The following MORF4L2 variants were observed in gnomAD, a reference collection of about 807,000 sequenced individuals.
The protein encoded by MORF4L2 is mortality factor 4 like 2.
In MORF4L2, 1 loss-of-function variant was observed where a neutral mutation model predicts 12.0. The ratio of observed to expected loss-of-function variants is 0.08; its 90% CI spans 0.03 to 0.40. MORF4L2 has a LOEUF of 0.40. Ranked by LOEUF, MORF4L2 falls within the 10% of genes least tolerant of loss-of-function variation. The pLI is 0.98. For synonymous variants in MORF4L2, 69 were observed against 81.6 expected (o/e 0.85, Z 0.83); for missense variants, 123 against 214.0 (o/e 0.57, Z 2.65).
intron 2 of MORF4L2, among the ~76,000 whole-genome samples, chrX:103,682,740 CTTTT>C (rs2074013597): frequency 8.9e-6 from 1 of 111,900 alleles, no homozygotes; most frequent in South Asian, 3.7e-4. Flanking sequence ...CCATCACTTT[CTTTT>C]GTCTAACGGT....
chrX:103,676,518 T>G lies in MORF4L2; in HGVS notation c.510A>C (p.Gly170=). 8.3e-7 allele frequency: 1 copy of G among 1,210,961 alleles called. No homozygotes were observed. The highest frequency in any genetic ancestry group is 1.1e-6 in the Non-Finnish European group (1 of 895,343). Residue 170 remains glycine (G), a synonymous_variant, in exon 4 of 4, where the codon GGA becomes GGC. Coordinates refer to ENST00000441076, the MANE Select transcript of MORF4L2 (RefSeq NM_012286.3). The part of the protein sequence containing the change: ...EEYANCKKSQ[G]NVDNKEYAVN... ...CCGCATATTCCTTATTATCAACATT[T>G]CCCTGCGATTTCTTGCAATTTGCAT...
upstream of MORF4L2, chrX:103,687,913 G>T (rs2074152941): frequency 2.7e-5 from 3 of 110,905 alleles, no homozygotes; most frequent in Non-Finnish European, 5.7e-5. Flanking sequence ...CAATTTTCCT[G>T]TGAGAATATC....
At position 103,682,777 on chromosome X, in the gene MORF4L2, T is replaced by C. The variant is rs191382039; in HGVS notation, c.-178+2394A>G. Among the ~76,000 whole-genome samples, 39 of 112,544 alleles carry C rather than the reference T, an allele frequency of 3.5e-4. 1 individual carries two copies. The highest frequency in any genetic ancestry group is 1.2e-3 in the African/African-American group (38 of 31,007). On this transcript the variant is annotated intron_variant, in intron 2 of 3. Transcript: ENST00000441076. ...GGTGTCTTACTATGACTGTTGTATG[T>C]ATATGTGCATACATCTCTCAATATC...
intron 2 of MORF4L2, among the ~76,000 whole-genome samples, chrX:103,683,317 A>G (rs1216169058): frequency 8.9e-6 from 1 of 112,111 alleles, no homozygotes; most frequent in African/African-American, 3.2e-5. Context: ...GCGGCCTCCC[A>G]AAGTGCTGGG....
At chrX:103,677,081 G>A in intron 3 of MORF4L2, 30 bp from the exon 4 acceptor site, 5 of 1,014,902 alleles carry the variant, frequency 4.9e-6, no homozygotes. Context: ...TTACTTGGTT[G>A]TTTTCTATGG....
chrX:103,685,513 G>A (rs995291767), intron 1 of MORF4L2: 1 of 111,403 alleles, frequency 9.0e-6, no homozygotes, highest in Non-Finnish European at 1.9e-5. Context: ...AAATAAAAAA[G>A]AAATAGTATT....
chrX:103,676,053 CCT>C lies in MORF4L2; in HGVS notation c.*106_*107del. On this transcript the variant is annotated 3_prime_UTR_variant, in exon 4 of 4. Coordinates refer to ENST00000441076, the MANE Select transcript of MORF4L2 (RefSeq NM_012286.3). ...ACGGAAAACAAACTGAAACATAAGC[CCT>C]GTTATACATTAACGATTTTAAAGAA... is the stretch of plus-strand genomic sequence containing the variant. The C allele has an allele frequency of 8.8e-6, 7 of 792,858 alleles. No homozygotes were observed. The highest frequency in any genetic ancestry group is 1.3e-5 in the Non-Finnish European group (7 of 557,919). The allele number at this position is 792,858 out of a possible 1,213,427, so 65.3% of individuals were successfully genotyped here.
chrX:103,675,878 G>A lies in MORF4L2; in HGVS notation c.*283C>T, dbSNP rs1442084642. 5.7e-5 allele frequency: 14 copies of A among 244,333 alleles called. No homozygotes were observed. Among genetic ancestry groups the A allele is most frequent in the Non-Finnish European group, 7.9e-5 (11 of 139,344 alleles). The allele number at this position is 244,333 out of a possible 1,213,427, so 20.1% of individuals were successfully genotyped here. A position where few individuals can be genotyped will look rare whatever the true frequency, so the allele number is the denominator to read the frequency against. On this transcript the variant is annotated 3_prime_UTR_variant, in exon 4 of 4. Coordinates refer to ENST00000441076, the MANE Select transcript of MORF4L2 (RefSeq NM_012286.3). ...AAAATTGTGTAGTGTCAAAGGGATAGGAACCACCAGCATTCAAGCAATGTT... is the reference window on the plus strand; with the variant it reads ...AAAATTGTGTAGTGTCAAAGGGATAAGAACCACCAGCATTCAAGCAATGTT...
intron 2 of MORF4L2, among the ~76,000 whole-genome samples, chrX:103,679,435 C>T (rs1224621428): frequency 1.9e-5 from 2 of 107,781 alleles, no homozygotes; most frequent in East Asian, 5.8e-4. Context: ...AGGAGAATCG[C>T]TTGAACCCGA....
upstream of MORF4L2, chrX:103,688,039 C>T (rs776171786): frequency 1.8e-5 from 2 of 111,454 alleles, no homozygotes; most frequent in South Asian, 3.8e-4. Flanking sequence ...CAGGCAAATA[C>T]GCACTGTTAA....
intron 3 of MORF4L2, 39 bp from the exon 4 acceptor site, chrX:103,677,090 G>A: frequency 1.0e-6 from 1 of 988,886 alleles, no homozygotes; most frequent in Admixed American, 3.5e-5. Flanking sequence ...TGTTTTCTAT[G>A]GCAACCTTTA....
At chrX:103,682,278 A>G in intron 2 of MORF4L2, among the ~76,000 whole-genome samples, 1 of 111,892 alleles carries the variant, frequency 8.9e-6, no homozygotes, top group Middle Eastern at 4.6e-3. Context: ...GTTGTTCCCA[A>G]TATTTCATTA....
At chrX:103,680,846 CAG>C (rs1396175378) in intron 2 of MORF4L2, among the ~76,000 whole-genome samples, 1 of 112,229 alleles carries the variant, frequency 8.9e-6, no homozygotes, top group Non-Finnish European at 1.9e-5. Flanking sequence ...TGTTGGCACT[CAG>C]AAAGTTTCAG....
intron 2 of MORF4L2, among the ~76,000 whole-genome samples, chrX:103,679,429 G>GT (rs2073928496): frequency 9.3e-6 from 1 of 107,885 alleles, no homozygotes; most frequent in Non-Finnish European, 1.9e-5. Flanking sequence ...TGAGGCAGGA[G>GT]AATCGCTTGA....
chrX:103,676,829 G>A lies in MORF4L2; in HGVS notation c.199C>T (p.Pro67Ser), dbSNP rs1435811684. The part of the protein sequence containing the change: ...GRWGGRSAEN[P>S]PSGSVRKTRK... Reference sequence around the variant, plus strand: ...GTCTTCCTCACGGATCCTGAAGGGGGGTTCTCTGCAGAGCGACCACCCCAT... The same window carrying A: ...GTCTTCCTCACGGATCCTGAAGGGGAGTTCTCTGCAGAGCGACCACCCCAT... The change falls in exon 4 of 4, where the codon CCC (proline) becomes TCC (serine). Residue 67 changes from proline (P) to serine (S), a missense_variant. Transcript: ENST00000441076. 2 of 1,207,286 alleles carry A rather than the reference G, an allele frequency of 1.7e-6. No individual in the cohort carries two copies. The highest frequency in any genetic ancestry group is 2.2e-5 in the Admixed American group (1 of 45,366).
At chrX:103,681,893 A>G (rs369507483) in intron 2 of MORF4L2, among the ~76,000 whole-genome samples, 64 of 111,243 alleles carry the variant, frequency 5.8e-4, no homozygotes, top group African/African-American at 2.0e-3. Flanking sequence ...GGTACCATTT[A>G]TATTTCCTTT....
chrX:103,678,817 T>C lies in MORF4L2; in HGVS notation c.-177-166A>G, dbSNP rs369679235. Reference sequence around the variant, plus strand: ...TACTTCAATTAGGCTCCGTCATTTATGAGTTGTGAGACCTCAGGCAAGACA... The same window carrying C: ...TACTTCAATTAGGCTCCGTCATTTACGAGTTGTGAGACCTCAGGCAAGACA... On this transcript the variant is annotated intron_variant, in intron 2 of 3. Coordinates refer to ENST00000441076, the MANE Select transcript of MORF4L2 (RefSeq NM_012286.3). Among the ~76,000 whole-genome samples, 13 of 112,621 alleles carry C rather than the reference T, an allele frequency of 1.2e-4. No individual in the cohort carries two copies. In the East Asian group the frequency reaches 3.3e-3, roughly 29 times the overall value.
At chrX:103,687,621 T>C (rs112857665), upstream of MORF4L2, 4 of 112,446 alleles carry the variant, frequency 3.6e-5, no homozygotes, top group African/African-American at 1.3e-4. Flanking sequence ...AAATAAATAA[T>C]TAAGGAAAGG....
upstream of MORF4L2, chrX:103,687,508 C>A (rs899597439): frequency 9.0e-6 from 1 of 111,553 alleles, no homozygotes; most frequent in Non-Finnish European, 1.9e-5. Flanking sequence ...GGCGGGCGCG[C>A]GCGCGTGCGT....
Sources: gnomAD v4.1 joint callset for allele counts (sites outside exome capture counted in the v4.1 genomes callset) on GRCh38, gnomAD v4.1.1 for gene constraint, MANE v1.5 for transcripts, NCBI Gene and HGNC (gene_info 2026-07-23, HGNC 2026-07-21) for gene names.